REPS1: variants seen among roughly 807,000 people sequenced by gnomAD.
REPS1 encodes the protein ralBP1-associated Eps domain-containing protein 1.
Under a neutral mutation model 100.9 loss-of-function variants are expected in REPS1, and 39 were observed. The ratio of observed to expected loss-of-function variants is 0.39; its 90% CI spans 0.30 to 0.50. The LOEUF (loss-of-function observed/expected upper bound fraction) is 0.50. Among genes scored for constraint, REPS1 ranks in the 20% least tolerant of loss-of-function variants. REPS1 has a pLI of 0.86. For synonymous variants in REPS1, 324 were observed against 340.3 expected, an observed-to-expected ratio of 0.95 and a Z score of 0.53; for missense variants, 821 against 968.5, an observed-to-expected ratio of 0.85 and a Z score of 2.02.
At chr6:138,928,695 A>C (rs890119917) in intron 9 of REPS1, 4 of 152,150 alleles carry the variant, frequency 2.6e-5, no homozygotes, top group African/African-American at 9.6e-5. Context: ...GAATGTTTTT[A>C]TTTACAAACT....
chr6:138,968,962 C>T (rs1474996580), intron 1 of REPS1, among the ~76,000 whole-genome samples: 1 of 152,202 alleles, frequency 6.6e-6, no homozygotes, highest in African/African-American at 2.4e-5. Context: ...ACATCTCACT[C>T]TTTGGGGAAC....
chr6:138,937,038 T>C (rs756227173), intron 8 of REPS1, among the ~76,000 whole-genome samples: 54 of 152,182 alleles, frequency 3.5e-4, no homozygotes, highest in Admixed American at 5.9e-4. Context: ...TTCACAATCA[T>C]GGTGGAAGGC....
At chr6:138,960,649 T>C (rs1161911876) in intron 1 of REPS1, among the ~76,000 whole-genome samples, 1 of 152,200 alleles carries the variant, frequency 6.6e-6, no homozygotes, top group Non-Finnish European at 1.5e-5. Context: ...AATTCACACT[T>C]TGCACAGATA....
intron 1 of REPS1, among the ~76,000 whole-genome samples, chr6:138,953,929 T>C (rs1419463118): frequency 6.6e-6 from 1 of 152,062 alleles, no homozygotes; most frequent in Non-Finnish European, 1.5e-5. Context: ...AGCCAAGATA[T>C]GAAATTAACC....
Position 138,978,291 on chromosome 6 carries a change from TTC to T in REPS1, c.153+9237_153+9238del, listed in dbSNP as rs775460348. Among the ~76,000 whole-genome samples, 9 of 148,102 alleles carry T rather than the reference TTC, an allele frequency of 6.1e-5. No homozygotes were observed. The South Asian group carries it at 1.7e-3, about 28-fold the overall frequency. On this transcript the variant is annotated intron_variant, in intron 1 of 19. Coordinates refer to ENST00000450536, the MANE Select transcript of REPS1 (RefSeq NM_001286611.2). ...GCCCAATTATTTGTTTCTTTTCCTT[TTC>T]TTTTTTTTTTTTTGAGACAGGGTCT...
intron 1 of REPS1, among the ~76,000 whole-genome samples, chr6:138,978,313 G>C (rs1374438572): frequency 6.8e-6 from 1 of 147,020 alleles, no homozygotes; most frequent in African/African-American, 2.6e-5. Flanking sequence ...TTTTGAGACA[G>C]GGTCTGGCTC....
chr6:138,938,358 C>T (rs1218848905), intron 8 of REPS1, among the ~76,000 whole-genome samples: 1 of 152,148 alleles, frequency 6.6e-6, no homozygotes, highest in Admixed American at 6.5e-5. Context: ...CACTGCTCAC[C>T]ATCTATTTGC....
rs568626153 is a variant in REPS1 at position 138,979,180 on chromosome 6, C to CAAAAAAAAAAAA, written c.153+8338_153+8349dup. ...TGGGCGACAGAGCGAGAATCCATCA[C>CAAAAAAAAAAAA]AAAAAAAAAAAAAAAAACAAAAAAA... On this transcript the variant is annotated intron_variant, in intron 1 of 19. Coordinates refer to ENST00000450536, the MANE Select transcript of REPS1 (RefSeq NM_001286611.2). Among the ~76,000 whole-genome samples the CAAAAAAAAAAAA allele has an allele frequency of 2.2e-3, 130 of 59,286 alleles. 5 individuals carry two copies. The highest frequency in any genetic ancestry group is 3.3e-3 in the Non-Finnish European group (113 of 34,320). 38.9% of individuals were successfully genotyped at this position (59,286 alleles called of 152,430 possible).
intron 19 of REPS1, 155 bp downstream of exon 19, chr6:138,907,340 G>GTGTGTGTGT (rs1562506396): frequency 4.1e-3 from 1,980 of 488,574 alleles, no homozygotes; most frequent in South Asian, 5.2e-3. Flanking sequence ...GTGTGTGTGT[G>GTGTGTGTGT]GCGGGGAGGG....
intron 14 of REPS1, chr6:138,915,100 T>C: frequency 4.2e-6 from 1 of 239,692 alleles, no homozygotes; most frequent in South Asian, 6.8e-5. Context: ...TCCCTTTCAC[T>C]TAACACTTCA....
At chr6:138,983,083 C>T (rs1465257535) in intron 1 of REPS1, among the ~76,000 whole-genome samples, 1 of 152,148 alleles carries the variant, frequency 6.6e-6, no homozygotes, top group Non-Finnish European at 1.5e-5. Context: ...AACCACATGA[C>T]CAGAGAAGGT....
chr6:138,987,434 C>T (rs1471259431), intron 1 of REPS1, 96 bp downstream of exon 1: 10 of 1,286,182 alleles, frequency 7.8e-6, no homozygotes, highest in African/African-American at 1.6e-5. Context: ...GGAACCAGCC[C>T]CCCGCCGGGC....
chr6:138,980,844 C>T (rs58847815), intron 1 of REPS1, among the ~76,000 whole-genome samples: 14,709 of 152,080 alleles, frequency 0.097, 1,548 homozygotes, highest in African/African-American at 0.26. Flanking sequence ...CAGGCCACCA[C>T]GCCTGGCCAG....
chr6:138,985,062 T>C (rs1303921008), intron 1 of REPS1, among the ~76,000 whole-genome samples: 1 of 152,222 alleles, frequency 6.6e-6, no homozygotes, highest in African/African-American at 2.4e-5. Flanking sequence ...TGCTGAAATA[T>C]CGTTATCTGC....
chr6:138,945,729 A>C, intron 2 of REPS1, 32 bp from the exon 3 acceptor site: 1 of 1,473,262 alleles, frequency 6.8e-7, no homozygotes, highest in Non-Finnish European at 9.1e-7. Flanking sequence ...TTACTTCAAA[A>C]TAAAAAAGGA....
rs149632541 is a variant in REPS1 at position 138,918,884 on chromosome 6, C to A, written c.1529-1257G>T. ...AATTTTAAGATAGAAACTCTAGAGA[C>A]AATCTGAAGGAATATTACTACATAT... On this transcript the variant is annotated intron_variant, in intron 12 of 19. Transcript: ENST00000450536. Among the ~76,000 whole-genome samples, 250 of 152,246 alleles carry A rather than the reference C, an allele frequency of 1.6e-3. 1 individual carries two copies. Among genetic ancestry groups the A allele is most frequent in the African/African-American group, 5.9e-3 (244 of 41,550 alleles).
At position 138,941,452 on chromosome 6, in the gene REPS1, G is replaced by A. The variant is rs1782242248; in HGVS notation, c.1018C>T (p.Leu340=). 1 of 1,613,920 alleles carries A rather than the reference G, an allele frequency of 6.2e-7. No individual in the cohort carries two copies. The highest frequency in any genetic ancestry group is 8.5e-7 in the Non-Finnish European group (1 of 1,179,864). ...TGAAAAGCAGCACAAAACTCATCCA[G>A]TGTCAATGCACCATCTTTATCAAAG... ...SDFDKDGALT[L]DEFCAAFHLV... Residue 340 remains leucine (L), a synonymous_variant, in exon 8 of 20, where the codon CTG becomes TTG. Transcript: ENST00000450536.
chr6:138,964,531 C>T (rs1389159547), intron 1 of REPS1, among the ~76,000 whole-genome samples: 1 of 151,916 alleles, frequency 6.6e-6, no homozygotes, highest in Non-Finnish European at 1.5e-5. Context: ...CATGCACACA[C>T]AAAATAAGTA....
chr6:138,985,926 T>C (rs1382864739), intron 1 of REPS1, among the ~76,000 whole-genome samples: 1 of 152,216 alleles, frequency 6.6e-6, no homozygotes, highest in African/African-American at 2.4e-5. Context: ...AGAGAAGGCT[T>C]TTCCTTAATT....
Sources: gnomAD v4.1 joint callset for allele counts (sites outside exome capture counted in the v4.1 genomes callset) on GRCh38, gnomAD v4.1.1 for gene constraint, MANE v1.5 for transcripts, NCBI Gene and HGNC (gene_info 2026-07-23, HGNC 2026-07-21) for gene names.